The following PTPRN2 variants were observed in gnomAD, a reference collection of about 807,000 sequenced individuals.
PTPRN2 encodes receptor-type tyrosine-protein phosphatase N2.
A neutral mutation model predicts 118.8 loss-of-function variants in PTPRN2; 74 were observed. The ratio of observed to expected loss-of-function variants is 0.62; its 90% CI spans 0.52 to 0.76. The LOEUF (loss-of-function observed/expected upper bound fraction) is 0.76, where lower values mean the gene tolerates loss of function less well. Among genes scored for constraint, PTPRN2 ranks in the 30% least tolerant of loss-of-function variants. The pLI is 0.00. For missense variants in PTPRN2, 1,481 were observed against 1,394.4 expected (o/e 1.06, Z -0.99); for synonymous variants, 641 against 608.0 (o/e 1.05, Z -0.80).
intron 11 of PTPRN2, among the ~76,000 whole-genome samples, chr7:158,071,710 TCC>T (rs1563393026): frequency 3.0e-5 from 4 of 131,764 alleles, no homozygotes; most frequent in African/African-American, 6.0e-5. Flanking sequence ...GTGGAGGTGC[TCC>T]TGGTGGTGGA....
chr7:158,298,752 C>T (rs1800668680), intron 3 of PTPRN2, among the ~76,000 whole-genome samples: 1 of 152,170 alleles, frequency 6.6e-6, no homozygotes, highest in South Asian at 2.1e-4. Context: ...ACAATGTCAC[C>T]TCCAAGCACC....
chr7:158,473,809 G>T (rs1000730081), intron 2 of PTPRN2, among the ~76,000 whole-genome samples: 17 of 152,102 alleles, frequency 1.1e-4, no homozygotes, highest in Admixed American at 9.2e-4. Context: ...TTAAAAAAAG[G>T]TTGGCTATAA....
At chr7:158,252,886 A>G (rs1796777495) in intron 3 of PTPRN2, among the ~76,000 whole-genome samples, 1 of 150,508 alleles carries the variant, frequency 6.6e-6, no homozygotes, top group South Asian at 2.1e-4. Flanking sequence ...AAACGACCCC[A>G]TATCACAAAG....
chr7:158,527,293 C>T lies in PTPRN2; in HGVS notation c.113-37508G>A, dbSNP rs554659406. On this transcript the variant is annotated intron_variant, in intron 1 of 22. Coordinates refer to ENST00000389418, the MANE Select transcript of PTPRN2 (RefSeq NM_002847.5). ...GGCGCGTCCTGGGCCTCCCTGACCCCGGCCATGCCCCCCGCCACCGGAGCC... is the reference window on the plus strand; with the variant it reads ...GGCGCGTCCTGGGCCTCCCTGACCCTGGCCATGCCCCCCGCCACCGGAGCC... 2.0e-4 allele frequency among the ~76,000 whole-genome samples: 31 copies of T among 151,920 alleles called. 1 individual carries two copies. Among genetic ancestry groups the T allele is most frequent in the Admixed American group, 1.3e-3 (20 of 15,304 alleles).
Position 158,122,889 on chromosome 7 carries a change from C to T in PTPRN2, c.1556+10788G>A, listed in dbSNP as rs541534703. Reference sequence around the variant, plus strand: ...CGAAGGAAGCCTGCATAAAACTTCTCCACGTCTCATTTTGGCAGCCTTGTT... The same window carrying T: ...CGAAGGAAGCCTGCATAAAACTTCTTCACGTCTCATTTTGGCAGCCTTGTT... On this transcript the variant is annotated intron_variant, in intron 9 of 22. Coordinates refer to ENST00000389418, the MANE Select transcript of PTPRN2 (RefSeq NM_002847.5). Among the ~76,000 whole-genome samples the T allele has an allele frequency of 5.9e-5, 9 of 152,308 alleles. No individual in the cohort carries two copies. The South Asian group carries it at 1.9e-3, about 32-fold the overall frequency.
intron 1 of PTPRN2, among the ~76,000 whole-genome samples, chr7:158,516,080 G>A (rs746371277): frequency 2.6e-5 from 4 of 152,070 alleles, no homozygotes; most frequent in African/African-American, 4.8e-5. Context: ...TTCTCCCCAC[G>A]CCCCGGCCGC....
Position 157,740,734 on chromosome 7 carries a change from AT to A in PTPRN2, c.1789-57798del, listed in dbSNP as rs1800588555. On this transcript the variant is annotated intron_variant, in intron 12 of 22. Coordinates refer to ENST00000389418, the MANE Select transcript of PTPRN2 (RefSeq NM_002847.5). ...AGCTAATGAGAGGGTGGAGAATCCCATCCCGATGGGCACTGGCTTCTTTCCA... is the reference window on the plus strand; with the variant it reads ...AGCTAATGAGAGGGTGGAGAATCCCACCCGATGGGCACTGGCTTCTTTCCA... Among the ~76,000 whole-genome samples the A allele has an allele frequency of 2.0e-5, 3 of 152,326 alleles. No homozygotes were observed. The South Asian group carries it at 6.2e-4, about 32-fold the overall frequency.
Position 157,801,455 on chromosome 7 carries a change from G to A in PTPRN2, c.1788+97218C>T, listed in dbSNP as rs1490211449. Among the ~76,000 whole-genome samples, 2 of 152,112 alleles carry A rather than the reference G, an allele frequency of 1.3e-5. No individual in the cohort carries two copies. The highest frequency in any genetic ancestry group is 2.9e-5 in the Non-Finnish European group (2 of 68,030). Reference sequence around the variant, plus strand: ...AGGTGCGGGGGATATTATCCTCCCCGTGAGAGCAGCTGCATGGATTTTTTT... The same window carrying A: ...AGGTGCGGGGGATATTATCCTCCCCATGAGAGCAGCTGCATGGATTTTTTT... On this transcript the variant is annotated intron_variant, in intron 12 of 22. Transcript: ENST00000389418. This position sits in a 1 kb window ranked among gnomAD's most constrained non-coding sequence, Gnocchi z 4.2.
chr7:158,468,477 A>T (rs145923187), intron 2 of PTPRN2, among the ~76,000 whole-genome samples: 38 of 145,060 alleles, frequency 2.6e-4, no homozygotes, highest in African/African-American at 8.8e-4. Context: ...TCCCGCCCCC[A>T]CCCCGCCCCT....
intron 5 of PTPRN2, among the ~76,000 whole-genome samples, chr7:158,176,470 G>C (rs1245184498): frequency 6.6e-6 from 1 of 152,218 alleles, no homozygotes; most frequent in African/African-American, 2.4e-5. Context: ...CCTAGGCTGT[G>C]TATGTCTGTC....
chr7:157,677,428 G>A (rs755536771), intron 13 of PTPRN2, among the ~76,000 whole-genome samples: 47 of 152,230 alleles, frequency 3.1e-4, no homozygotes, highest in Admixed American at 4.6e-4. Context: ...GCCACCTTTC[G>A]AGACTTCATT....
chr7:158,111,868 A>T (rs1816306962), intron 9 of PTPRN2, among the ~76,000 whole-genome samples: 1 of 152,234 alleles, frequency 6.6e-6, no homozygotes, highest in African/African-American at 2.4e-5. Flanking sequence ...CTGATTTGGA[A>T]ATAGGGCTAT....
intron 2 of PTPRN2, among the ~76,000 whole-genome samples, chr7:158,370,739 G>A (rs754148334): frequency 8.5e-5 from 13 of 152,050 alleles, no homozygotes; most frequent in Non-Finnish European, 1.9e-4. Context: ...GTGACAGAGC[G>A]AGACTCCTGT....
chr7:157,795,350 GC>G (rs1167767176), intron 12 of PTPRN2, among the ~76,000 whole-genome samples: 1 of 152,200 alleles, frequency 6.6e-6, no homozygotes, highest in African/African-American at 2.4e-5. Context: ...GCAAAGCTGG[GC>G]CCCAGCCACA....
Position 157,935,470 on chromosome 7 carries a change from A to G in PTPRN2, c.1724-36733T>C, listed in dbSNP as rs76903690. ...TTACAAGCTCTCCTTTCTAAAATCT[A>G]CACGTGGTTCTTCTGCACGGCCTCC... On this transcript the variant is annotated intron_variant, in intron 11 of 22. Transcript: ENST00000389418. 8.2e-3 allele frequency among the ~76,000 whole-genome samples: 1,244 copies of G among 152,206 alleles called. 67 individuals are homozygous for G. The East Asian group carries it at 0.15, about 19-fold the overall frequency.
intron 11 of PTPRN2, among the ~76,000 whole-genome samples, chr7:157,908,712 C>T (rs1797914858): frequency 6.6e-6 from 1 of 152,152 alleles, no homozygotes. Flanking sequence ...AAAATATGGA[C>T]TACAATTTGA....
chr7:157,992,707 G>T (rs996775215), intron 11 of PTPRN2, among the ~76,000 whole-genome samples: 1 of 151,994 alleles, frequency 6.6e-6, no homozygotes, highest in Non-Finnish European at 1.5e-5. Flanking sequence ...GATGTGGGGG[G>T]TCACACTCCA....
rs76322219 is a variant in PTPRN2, at chr7:158,214,899, G to A, written c.278-9626C>T. On this transcript the variant is annotated intron_variant, in intron 3 of 22. Coordinates refer to ENST00000389418, the MANE Select transcript of PTPRN2 (RefSeq NM_002847.5). ...GAAGAGGAGTGTCCAAAAAGAGACAGTTAAAATGCAAGGTTTAAATGAGAT... is the reference window on the plus strand; with the variant it reads ...GAAGAGGAGTGTCCAAAAAGAGACAATTAAAATGCAAGGTTTAAATGAGAT... Among the ~76,000 whole-genome samples the A allele has an allele frequency of 4.3e-3, 650 of 152,270 alleles. 5 individuals carry two copies. Among genetic ancestry groups the A allele is most frequent in the African/African-American group, 0.015 (620 of 41,532 alleles).
In PTPRN2 at chr7:157,965,321, A is replaced by AT. The variant is rs150947129; in HGVS notation, c.1724-66585dup. ...ACTGGCAAGAGAGTTTAGCTGGAGCATAGCCCTTTCCTGATAGCACATAAA... is the reference window on the plus strand; with the variant it reads ...ACTGGCAAGAGAGTTTAGCTGGAGCATTAGCCCTTTCCTGATAGCACATAAA... On this transcript the variant is annotated intron_variant, in intron 11 of 22. Coordinates refer to ENST00000389418, the MANE Select transcript of PTPRN2 (RefSeq NM_002847.5). 5.3e-5 allele frequency among the ~76,000 whole-genome samples: 8 copies of AT among 152,342 alleles called. No individual in the cohort carries two copies. In the East Asian group the frequency reaches 1.5e-3, roughly 29 times the overall value.
Sources: allele counts gnomAD v4.1 joint callset (sites outside exome capture counted in the v4.1 genomes callset), GRCh38; gene constraint gnomAD v4.1.1; non-coding constraint Gnocchi (gnomAD v3.1); transcripts MANE v1.5; gene names NCBI Gene and HGNC (gene_info 2026-07-23, HGNC 2026-07-21).